The following YWHAE variants were observed in gnomAD, a reference collection of about 807,000 sequenced individuals.
YWHAE encodes 14-3-3 protein epsilon.
In YWHAE, 4 loss-of-function variants were observed where a neutral mutation model predicts 30.1. The ratio of observed to expected loss-of-function variants is 0.13; its 90% CI spans 0.07 to 0.30. The LOEUF is 0.30. Ranked by LOEUF, YWHAE falls within the 10% of genes least tolerant of loss-of-function variation. YWHAE has a pLI of 1.00. For missense variants in YWHAE, 121 were observed against 315.9 expected (o/e 0.38, Z 4.68); for synonymous variants, 118 against 111.8 (o/e 1.06, Z -0.35).
chr17:1,350,515 T>A (rs2150837965), intron 5 of YWHAE, among the ~76,000 whole-genome samples: 1 of 152,154 alleles, frequency 6.6e-6, no homozygotes, highest in East Asian at 2.0e-4. Flanking sequence ...TGATCTTGGC[T>A]CACTGCACCT....
At chr17:1,383,757 G>C (rs1488920611) in intron 1 of YWHAE, among the ~76,000 whole-genome samples, 1 of 152,070 alleles carries the variant, frequency 6.6e-6, no homozygotes, top group Non-Finnish European at 1.5e-5. Flanking sequence ...TAAGTTGCTA[G>C]TATTATAAAC....
chr17:1,396,201 C>T (rs2073469050), intron 1 of YWHAE, among the ~76,000 whole-genome samples: 1 of 152,066 alleles, frequency 6.6e-6, no homozygotes, highest in Non-Finnish European at 1.5e-5. Context: ...GGGCGGATCA[C>T]CTGAGGTCGG....
intron 3 of YWHAE, chr17:1,361,577 TAAAC>T (rs1211326811): frequency 4.6e-6 from 2 of 436,346 alleles, no homozygotes; most frequent in Non-Finnish European, 8.0e-6. Context: ...AGACCAGAAT[TAAAC>T]AAGCAAGTGG....
chr17:1,364,687 CG>C lies in YWHAE; in HGVS notation c.264+171del, dbSNP rs2072917217. ...TATGTTTTGTCCTCATGCATAGCCACGGGTAAGTTTAACTTATAAACCAGGC... is the reference window on the plus strand; with the variant it reads ...TATGTTTTGTCCTCATGCATAGCCACGGTAAGTTTAACTTATAAACCAGGC... On this transcript the variant is annotated intron_variant, in intron 2 of 5. Transcript: ENST00000264335. 28 of 813,498 alleles carry C rather than the reference CG, an allele frequency of 3.4e-5. 1 individual carries two copies. In the South Asian group the frequency reaches 4.5e-4, roughly 13 times the overall value. The allele number at this position is 813,498 out of a possible 1,614,324, so 50.4% of individuals were successfully genotyped here.
Position 1,384,562 on chromosome 17 carries a change from A to G in YWHAE, c.64+15485T>C, listed in dbSNP as rs373081924. 1.0e-3 allele frequency among the ~76,000 whole-genome samples: 157 copies of G among 151,976 alleles called. 2 individuals are homozygous for G. Among genetic ancestry groups the G allele is most frequent in the South Asian group, 4.0e-3 (19 of 4,804 alleles). ...AAAAAAATTAGCCAGGCATGGTGGC[A>G]GGCACCTGTACTCCCAGCTACTCAG... On this transcript the variant is annotated intron_variant, in intron 1 of 5. Transcript: ENST00000264335.
chr17:1,398,101 C>T (rs989837655), intron 1 of YWHAE, among the ~76,000 whole-genome samples: 6 of 152,194 alleles, frequency 3.9e-5, no homozygotes, highest in Non-Finnish European at 7.3e-5. Context: ...CCTTTCCTCA[C>T]ATCCTTTCTA....
At chr17:1,377,035 T>A (rs530379569) in intron 1 of YWHAE, among the ~76,000 whole-genome samples, 5 of 151,666 alleles carry the variant, frequency 3.3e-5, no homozygotes, top group Admixed American at 1.3e-4. Flanking sequence ...TGCCCCAGCC[T>A]CCCTGGTAGT....
At chr17:1,361,320 A>G (rs925597222) in intron 3 of YWHAE, 22 bp from the exon 4 acceptor site, 24 of 1,469,058 alleles carry the variant, frequency 1.6e-5, no homozygotes, top group African/African-American at 2.9e-5. Context: ...CCAAAATTAA[A>G]AAAAAAAAAA....
intron 5 of YWHAE, chr17:1,347,870 A>T (rs1567952302): frequency 1.3e-6 from 1 of 764,380 alleles, no homozygotes; most frequent in African/African-American, 1.9e-5. Flanking sequence ...GAACAGGCAG[A>T]GTCTGTAAGC....
rs1255591781 is a variant in YWHAE at position 1,388,130 on chromosome 17, T to G, written c.64+11917A>C. ...TTTTTTTTGGTTGGTTTTTTTTTTT[T>G]TTTTTTTTTTTTAGTAGAGACGAGG... On this transcript the variant is annotated intron_variant, in intron 1 of 5. Coordinates refer to ENST00000264335, the MANE Select transcript of YWHAE (RefSeq NM_006761.5). Among the ~76,000 whole-genome samples the G allele has an allele frequency of 3.4e-4, 37 of 108,102 alleles. No individual in the cohort carries two copies. The East Asian group carries it at 6.3e-3, about 18-fold the overall frequency. The allele number at this position is 108,102 out of a possible 152,430, so 70.9% of individuals were successfully genotyped here.
intron 5 of YWHAE, among the ~76,000 whole-genome samples, chr17:1,353,496 C>G (rs2072676064): frequency 6.6e-6 from 1 of 151,176 alleles, no homozygotes; most frequent in Admixed American, 6.6e-5. Context: ...GGCGCAGTGG[C>G]TAACGCCTGT....
chr17:1,392,164 AAT>A (rs2073398051), intron 1 of YWHAE, among the ~76,000 whole-genome samples: 1 of 152,078 alleles, frequency 6.6e-6, no homozygotes, highest in Non-Finnish European at 1.5e-5. Context: ...CAGCCTGAGT[AAT>A]ATACTGAGAT....
At chr17:1,395,331 C>T (rs1037645037) in intron 1 of YWHAE, among the ~76,000 whole-genome samples, 1 of 152,086 alleles carries the variant, frequency 6.6e-6, no homozygotes, top group African/African-American at 2.4e-5. Flanking sequence ...AGATAAAGAC[C>T]ATCCTGGCCA....
rs754965009 is a variant in YWHAE at position 1,400,027 on chromosome 17, C to G, written c.64+20G>C. On this transcript the variant is annotated intron_variant, in intron 1 of 5. Coordinates refer to ENST00000264335, the MANE Select transcript of YWHAE (RefSeq NM_006761.5). ...CAGAGGGTCCGAGAATTCCAGCCCCCCGTTGCCCCCCCAACTCACCGTCGT... is the reference window on the plus strand; with the variant it reads ...CAGAGGGTCCGAGAATTCCAGCCCCGCGTTGCCCCCCCAACTCACCGTCGT... 25 of 1,609,716 alleles carry G rather than the reference C, an allele frequency of 1.6e-5. No individual in the cohort carries two copies. The Admixed American group carries it at 3.0e-4, about 19-fold the overall frequency.
intron 4 of YWHAE, among the ~76,000 whole-genome samples, chr17:1,356,215 C>CACAA (rs1320076580): frequency 1.5e-5 from 2 of 135,652 alleles, no homozygotes; most frequent in East Asian, 4.6e-4. Context: ...CACACACACA[C>CACAA]AAAATTAGCC....
At chr17:1,358,153 C>G (rs1174339900) in intron 4 of YWHAE, among the ~76,000 whole-genome samples, 1 of 151,860 alleles carries the variant, frequency 6.6e-6, no homozygotes, top group Non-Finnish European at 1.5e-5. Context: ...TTTTGGGAGG[C>G]TAAGGCAAGA....
Position 1,374,929 on chromosome 17 carries a change from G to C in YWHAE, c.65-9871C>G, listed in dbSNP as rs541811276. Among the ~76,000 whole-genome samples, 7 of 152,164 alleles carry C rather than the reference G, an allele frequency of 4.6e-5. No homozygotes were observed. The East Asian group carries it at 7.7e-4, about 17-fold the overall frequency. On this transcript the variant is annotated intron_variant, in intron 1 of 5. Coordinates refer to ENST00000264335, the MANE Select transcript of YWHAE (RefSeq NM_006761.5). The stretch of plus-strand genomic sequence containing the variant: ...GACACTTCTATTGCTTCAAGAGACA[G>C]GGTCTCACTACGTTGCCCTGACTGT...
intron 1 of YWHAE, among the ~76,000 whole-genome samples, chr17:1,378,798 T>G (rs976030216): frequency 2.0e-5 from 3 of 151,994 alleles, no homozygotes; most frequent in Admixed American, 1.3e-4. Context: ...ATACCAAAAA[T>G]TAGTTGGGCA....
chr17:1,345,958 T>C (rs1433719564), intron 5 of YWHAE, among the ~76,000 whole-genome samples: 1 of 152,226 alleles, frequency 6.6e-6, no homozygotes, highest in Non-Finnish European at 1.5e-5. Context: ...AGCAATAAAC[T>C]GTTGCCAAGA....
Sources: gnomAD v4.1 joint callset for allele counts (sites outside exome capture counted in the v4.1 genomes callset) on GRCh38, gnomAD v4.1.1 for gene constraint, MANE v1.5 for transcripts, NCBI Gene and HGNC (gene_info 2026-07-23, HGNC 2026-07-21) for gene names.